THSD7A: variants seen among roughly 807,000 people sequenced by gnomAD.
THSD7A encodes the protein thrombospondin type 1 domain containing 7A, also known as thrombospondin type-1 domain-containing protein 7A.
In THSD7A, 96 loss-of-function variants were observed where a neutral mutation model predicts 231.3. The ratio of observed to expected loss-of-function variants is 0.41; its 90% CI spans 0.35 to 0.49. The LOEUF (loss-of-function observed/expected upper bound fraction) is 0.49. THSD7A is among the 20% of genes least tolerant of loss of function. The pLI is 0.05. For synonymous variants in THSD7A, 940 were observed against 743.3 expected (o/e 1.26, Z -4.30); for missense variants, 2,290 against 2,070.2 (o/e 1.11, Z -2.06).
intron 1 of THSD7A, among the ~76,000 whole-genome samples, chr7:11,653,007 T>G (rs1782564347): frequency 6.6e-6 from 1 of 150,686 alleles, no homozygotes; most frequent in Admixed American, 6.6e-5. Flanking sequence ...TTTAGTAACA[T>G]CTTCTCAACT....
chr7:11,742,404 T>A (rs2030867), intron 1 of THSD7A, among the ~76,000 whole-genome samples: 50,351 of 151,642 alleles, frequency 0.33, 10,103 homozygotes, highest in Admixed American at 0.44. Context: ...TTTCTTTCCA[T>A]TTAGAGGACA....
At chr7:11,691,584 A>C (rs934698692) in intron 1 of THSD7A, among the ~76,000 whole-genome samples, 2 of 151,456 alleles carry the variant, frequency 1.3e-5, no homozygotes, top group African/African-American at 4.8e-5. Flanking sequence ...TCTCTATCTT[A>C]TAATATCTAT....
At chr7:11,824,518 A>G (rs949666927) in intron 1 of THSD7A, among the ~76,000 whole-genome samples, 48 of 152,256 alleles carry the variant, frequency 3.2e-4, no homozygotes, top group African/African-American at 1.1e-3. Flanking sequence ...TCTTAATCTC[A>G]GCTATGATTG....
At chr7:11,744,592 CT>C (rs1470795943) in intron 1 of THSD7A, among the ~76,000 whole-genome samples, 2 of 109,184 alleles carry the variant, frequency 1.8e-5, no homozygotes, top group African/African-American at 3.5e-5. Context: ...TCCTTCCCCC[CT>C]CCCCCCACCC....
At chr7:11,672,826 G>A (rs1783453311) in intron 1 of THSD7A, among the ~76,000 whole-genome samples, 1 of 152,028 alleles carries the variant, frequency 6.6e-6, no homozygotes, top group African/African-American at 2.4e-5. Flanking sequence ...CTATTTCCAT[G>A]CTTCTCTCAT....
At chr7:11,413,172 C>G (rs984097664) in intron 17 of THSD7A, among the ~76,000 whole-genome samples, 5 of 151,910 alleles carry the variant, frequency 3.3e-5, no homozygotes, top group African/African-American at 1.2e-4. Flanking sequence ...CCTTAAAAGA[C>G]ATTTTAAGAA....
At chr7:11,779,936 G>A (rs10267051) in intron 1 of THSD7A, among the ~76,000 whole-genome samples, 35,504 of 152,112 alleles carry the variant, frequency 0.23, 4,327 homozygotes, top group East Asian at 0.35. Context: ...AACAATGCAC[G>A]TCTTTGGGTT....
Position 11,743,046 on chromosome 7 carries a change from A to G in THSD7A, c.190+88711T>C, listed in dbSNP as rs1562522365. Among the ~76,000 whole-genome samples the G allele has an allele frequency of 1.3e-5, 2 of 151,912 alleles. 1 individual carries two copies. The highest frequency in any genetic ancestry group is 4.1e-4 in the South Asian group (2 of 4,832). On this transcript the variant is annotated intron_variant, in intron 1 of 27. Transcript: ENST00000423059. ...ATCAAGGTTCATTCAGTGGATAAAGATTAAGGAATCTTATAATTTAAAATG... is the reference window on the plus strand; with the variant it reads ...ATCAAGGTTCATTCAGTGGATAAAGGTTAAGGAATCTTATAATTTAAAATG...
chr7:11,514,382 T>G (rs1295194397), intron 6 of THSD7A, among the ~76,000 whole-genome samples: 4 of 152,184 alleles, frequency 2.6e-5, no homozygotes, highest in African/African-American at 7.2e-5. Flanking sequence ...TTAATATTTG[T>G]TGAATAAATG....
At chr7:11,618,372 T>C (rs888776393) in intron 2 of THSD7A, among the ~76,000 whole-genome samples, 1 of 152,240 alleles carries the variant, frequency 6.6e-6, no homozygotes, top group African/African-American at 2.4e-5. Flanking sequence ...GAAATCATTT[T>C]CTAAAAATGA....
intron 4 of THSD7A, among the ~76,000 whole-genome samples, chr7:11,558,954 G>T (rs60842892): frequency 6.6e-6 from 1 of 151,130 alleles, no homozygotes. Flanking sequence ...GAAGCTTCTC[G>T]AGTGCGTTAG....
In THSD7A at chr7:11,428,838, G is replaced by T. The variant is rs533388368; in HGVS notation, c.3243+109C>A. The T allele has an allele frequency of 9.3e-6, 12 of 1,283,632 alleles. No homozygotes were observed. The African/African-American group carries it at 1.4e-4, about 15-fold the overall frequency. The allele number at this position is 1,283,632 out of a possible 1,614,324, so 79.5% of individuals were successfully genotyped here. A position where few individuals can be genotyped will look rare whatever the true frequency, so the allele number is the denominator to read the frequency against. ...TTCAGGCATTCTAATGGTAAAAATG[G>T]GTCAATTTTTTATTCAATAGCTATT... On this transcript the variant is annotated intron_variant, in intron 14 of 27. Transcript: ENST00000423059.
At chr7:11,790,144 C>T (rs1381849782) in intron 1 of THSD7A, among the ~76,000 whole-genome samples, 3 of 151,754 alleles carry the variant, frequency 2.0e-5, no homozygotes, top group African/African-American at 4.8e-5. Context: ...GAGTTAAAAG[C>T]ACACATTATT....
chr7:11,698,848 C>T (rs987783829), intron 1 of THSD7A, among the ~76,000 whole-genome samples: 1 of 151,246 alleles, frequency 6.6e-6, no homozygotes, highest in African/African-American at 2.4e-5. Context: ...TAAATAGTTA[C>T]GTAGAAGTGG....
intron 2 of THSD7A, among the ~76,000 whole-genome samples, chr7:11,600,341 A>G (rs1217510564): frequency 1.3e-5 from 2 of 152,180 alleles, no homozygotes; most frequent in African/African-American, 4.8e-5. Flanking sequence ...TCCTAATTAA[A>G]TATAACATAA....
chr7:11,799,802 A>T (rs932753600), intron 1 of THSD7A, among the ~76,000 whole-genome samples: 1 of 152,230 alleles, frequency 6.6e-6, no homozygotes, highest in East Asian at 1.9e-4. Flanking sequence ...ATATAGGAAG[A>T]ATTTTGTTAT....
intron 1 of THSD7A, among the ~76,000 whole-genome samples, chr7:11,772,415 A>G (rs1428107982): frequency 6.6e-6 from 1 of 152,160 alleles, no homozygotes; most frequent in Non-Finnish European, 1.5e-5. Flanking sequence ...AAAAAGACAC[A>G]TGCACCCATA....
intron 1 of THSD7A, among the ~76,000 whole-genome samples, chr7:11,771,209 A>C (rs1320011712): frequency 6.6e-6 from 1 of 151,280 alleles, no homozygotes. Flanking sequence ...TCAATTATAA[A>C]AAATTTACAT....
At chr7:11,708,293 ATAAT>A (rs1347489727) in intron 1 of THSD7A, among the ~76,000 whole-genome samples, 1 of 150,854 alleles carries the variant, frequency 6.6e-6, no homozygotes, top group African/African-American at 2.4e-5. Context: ...ATTTAAAAAT[ATAAT>A]TAGTTTTTAA....
Sources: allele counts gnomAD v4.1 joint callset (sites outside exome capture counted in the v4.1 genomes callset), GRCh38; gene constraint gnomAD v4.1.1; transcripts MANE v1.5; gene names NCBI Gene and HGNC (gene_info 2026-07-23, HGNC 2026-07-21).